The following COA1 variants were observed in gnomAD, a reference collection of about 807,000 sequenced individuals.
COA1 encodes cytochrome c oxidase assembly factor 1 homolog.
COA1 carries 13 observed loss-of-function variants against 16.0 expected under a neutral mutation model. That is an observed-to-expected ratio of 0.81 (90% CI 0.53 to 1.29). The LOEUF (loss-of-function observed/expected upper bound fraction) is 1.29. COA1 is among the 50% of genes most tolerant of loss of function. COA1 has a pLI of 0.00. For missense variants in COA1, 179 were observed against 177.0 expected (o/e 1.01, Z -0.06); for synonymous variants, 65 against 65.7 (o/e 0.99, Z 0.05).
intron 1 of COA1, among the ~76,000 whole-genome samples, chr7:43,651,015 G>A (rs2090658723): frequency 6.6e-6 from 1 of 152,048 alleles, no homozygotes; most frequent in Admixed American, 6.6e-5. Flanking sequence ...ACTAGCTTCA[G>A]TTTACCTGCC....
chr7:43,673,337 TG>T (rs2093363171), intron 1 of COA1, among the ~76,000 whole-genome samples: 1 of 152,096 alleles, frequency 6.6e-6, no homozygotes, highest in African/African-American at 2.4e-5. Context: ...GCAAAGGACA[TG>T]AACAGACACT....
chr7:43,612,174 C>T (rs1355095427), intron 6 of COA1, among the ~76,000 whole-genome samples: 1 of 152,232 alleles, frequency 6.6e-6, no homozygotes, highest in African/African-American at 2.4e-5. Flanking sequence ...AAACTGGACT[C>T]TCCATGTTTC....
chr7:43,716,294 G>A (rs1306431942), intron 1 of COA1, among the ~76,000 whole-genome samples: 1 of 152,158 alleles, frequency 6.6e-6, no homozygotes, highest in African/African-American at 2.4e-5. Flanking sequence ...CTTGTTGAAT[G>A]GATTTGACAA....
chr7:43,627,946 C>A (rs902592725), intron 6 of COA1, among the ~76,000 whole-genome samples: 1 of 152,040 alleles, frequency 6.6e-6, no homozygotes, highest in East Asian at 1.9e-4. Context: ...TCATCTATGT[C>A]GATGCTTATA....
intron 4 of COA1, among the ~76,000 whole-genome samples, chr7:43,643,510 C>G (rs2087771832): frequency 6.6e-6 from 1 of 152,256 alleles, no homozygotes; most frequent in Non-Finnish European, 1.5e-5. Context: ...ATGCCCAGCC[C>G]TTCCCTGTGC....
intron 1 of COA1, chr7:43,665,824 A>T (rs1467144634): frequency 6.6e-6 from 1 of 152,184 alleles, no homozygotes; most frequent in Non-Finnish European, 1.5e-5. Flanking sequence ...CAAGAACAGC[A>T]TCTAGGAAAC....
chr7:43,695,022 T>C (rs2094485890), intron 1 of COA1, among the ~76,000 whole-genome samples: 1 of 152,238 alleles, frequency 6.6e-6, no homozygotes. Flanking sequence ...TTGTTGATTC[T>C]ACTTTCAAAA....
intron 1 of COA1, among the ~76,000 whole-genome samples, chr7:43,680,523 A>G (rs1036618245): frequency 1.3e-5 from 2 of 152,260 alleles, no homozygotes; most frequent in Non-Finnish European, 2.9e-5. Flanking sequence ...CTTCTATATC[A>G]TTAGAGTAGC....
intron 1 of COA1, among the ~76,000 whole-genome samples, chr7:43,715,416 T>C (rs912829314): frequency 6.6e-6 from 1 of 151,180 alleles, no homozygotes; most frequent in Non-Finnish European, 1.5e-5. Context: ...AGGCAGACGT[T>C]GCAGTGAGCG....
intron 1 of COA1, among the ~76,000 whole-genome samples, chr7:43,673,974 C>A (rs2093394707): frequency 6.6e-6 from 1 of 152,058 alleles, no homozygotes; most frequent in Non-Finnish European, 1.5e-5. Context: ...AAAGGCACAA[C>A]AGACACCAGG....
At chr7:43,662,831 T>C (rs945485169) in intron 1 of COA1, among the ~76,000 whole-genome samples, 5 of 152,196 alleles carry the variant, frequency 3.3e-5, no homozygotes, top group Non-Finnish European at 7.3e-5. Context: ...GCCAAAATAT[T>C]TGAGAATTGC....
At chr7:43,709,666 ACT>A (rs2095147172) in intron 1 of COA1, among the ~76,000 whole-genome samples, 1 of 152,118 alleles carries the variant, frequency 6.6e-6, no homozygotes, top group African/African-American at 2.4e-5. Flanking sequence ...CCAATATAAC[ACT>A]GTCTTTGTTA....
intron 1 of COA1, among the ~76,000 whole-genome samples, chr7:43,696,447 T>C (rs1402098068): frequency 6.6e-6 from 1 of 152,194 alleles, no homozygotes; most frequent in Non-Finnish European, 1.5e-5. Context: ...TGCCATTGTC[T>C]ATAAAAGCAA....
chr7:43,636,080 C>T (rs2085825544), downstream of COA1, among the ~76,000 whole-genome samples: 1 of 152,208 alleles, frequency 6.6e-6, no homozygotes, highest in Non-Finnish European at 1.5e-5. Context: ...AAAGTACTCT[C>T]TCCTGCAAAG....
intron 1 of COA1, among the ~76,000 whole-genome samples, chr7:43,683,414 C>T (rs1490171362): frequency 2.0e-5 from 3 of 151,956 alleles, no homozygotes; most frequent in Non-Finnish European, 2.9e-5. Flanking sequence ...AGGTGGATCA[C>T]GAGGTCAGGA....
chr7:43,702,974 A>G (rs2094811521), intron 1 of COA1, among the ~76,000 whole-genome samples: 1 of 152,076 alleles, frequency 6.6e-6, no homozygotes, highest in Non-Finnish European at 1.5e-5. Context: ...TAAGTTCTTG[A>G]TGTAGGCATT....
intron 6 of COA1, among the ~76,000 whole-genome samples, chr7:43,633,931 T>A (rs28823921): frequency 0.15 from 22,146 of 152,160 alleles, 2,174 homozygotes; most frequent in Non-Finnish European, 0.21. Flanking sequence ...TCCGCTCAGA[T>A]TTTTATTTCA....
chr7:43,634,256 TTTCTG>T (rs1355881488), downstream of COA1, among the ~76,000 whole-genome samples: 1 of 152,206 alleles, frequency 6.6e-6, no homozygotes, highest in Non-Finnish European at 1.5e-5. Context: ...AGAGCATGGC[TTTCTG>T]TTCTATTCTG....
At chr7:43,696,371 C>T (rs864048) in intron 1 of COA1, among the ~76,000 whole-genome samples, 1 of 152,066 alleles carries the variant, frequency 6.6e-6, no homozygotes, top group Non-Finnish European at 1.5e-5. Context: ...TTGACATATG[C>T]GGAATATTAT....
Sources: allele counts gnomAD v4.1 joint callset (sites outside exome capture counted in the v4.1 genomes callset), GRCh38; gene constraint gnomAD v4.1.1; transcripts MANE v1.5; gene names NCBI Gene and HGNC (gene_info 2026-07-23, HGNC 2026-07-21).